Variants in DPYD observed in about 807,000 individuals in gnomAD.
DPYD encodes dihydropyrimidine dehydrogenase [NADP(+)].
In DPYD, 109 loss-of-function variants were observed where a neutral mutation model predicts 116.2. That is an observed-to-expected ratio of 0.94 (90% confidence interval 0.80 to 1.10). The LOEUF (loss-of-function observed/expected upper bound fraction) is 1.10. Among genes scored for constraint, DPYD ranks in the 50% least tolerant of loss-of-function variants. DPYD has a pLI of 0.00. For missense variants in DPYD, 1,302 were observed against 1,254.5 expected (o/e 1.04, Z -0.57); for synonymous variants, 440 against 432.0 (o/e 1.02, Z -0.23).
chr1:97,209,555 T>C (rs1447076919), intron 19 of DPYD, among the ~76,000 whole-genome samples: 1 of 152,150 alleles, frequency 6.6e-6, no homozygotes, highest in African/African-American at 2.4e-5. Context: ...ATTAAACTGA[T>C]TTTTTGCTTG....
intron 20 of DPYD, among the ~76,000 whole-genome samples, chr1:97,139,623 C>A (rs1654066077): frequency 6.6e-6 from 1 of 152,196 alleles, no homozygotes; most frequent in East Asian, 1.9e-4. Context: ...TATTTCTAGA[C>A]TGAAAAGATT....
At chr1:97,795,201 G>A (rs1180340710) in intron 3 of DPYD, among the ~76,000 whole-genome samples, 2 of 151,956 alleles carry the variant, frequency 1.3e-5, no homozygotes, top group Non-Finnish European at 2.9e-5. Context: ...ATTTACATGA[G>A]AAAATAATTA....
At chr1:97,176,909 C>A (rs950361588) in intron 20 of DPYD, among the ~76,000 whole-genome samples, 1 of 83,252 alleles carries the variant, frequency 1.2e-5, no homozygotes, top group Non-Finnish European at 2.7e-5. Context: ...GGGGGGGTGT[C>A]CTAAAAGATT....
At chr1:97,526,244 G>A (rs1022289428) in intron 12 of DPYD, among the ~76,000 whole-genome samples, 4 of 152,082 alleles carry the variant, frequency 2.6e-5, no homozygotes, top group African/African-American at 9.7e-5. Flanking sequence ...AGGAAGAGCT[G>A]GGAATTCTCG....
chr1:97,714,428 G>T (rs1302691695), intron 5 of DPYD, among the ~76,000 whole-genome samples: 1 of 151,680 alleles, frequency 6.6e-6, no homozygotes, highest in Non-Finnish European at 1.5e-5. Context: ...TGGCCAAGAT[G>T]GTCTTGATTT....
At chr1:97,494,868 A>T (rs1679176796) in intron 13 of DPYD, among the ~76,000 whole-genome samples, 1 of 152,152 alleles carries the variant, frequency 6.6e-6, no homozygotes, top group Non-Finnish European at 1.5e-5. Flanking sequence ...TTGTATTCTC[A>T]AAAGTCAAAA....
intron 5 of DPYD, among the ~76,000 whole-genome samples, chr1:97,714,120 C>T (rs1423738561): frequency 2.0e-5 from 3 of 152,082 alleles, no homozygotes; most frequent in Non-Finnish European, 4.4e-5. Flanking sequence ...TGTATACCAG[C>T]TTTCACAAAA....
intron 14 of DPYD, among the ~76,000 whole-genome samples, chr1:97,396,417 G>A (rs546206506): frequency 4.1e-5 from 6 of 145,356 alleles, no homozygotes; most frequent in South Asian, 2.5e-4. Context: ...TATTCAATGT[G>A]TGTCAGTTTT....
chr1:97,918,747 T>C (rs1475191088), intron 1 of DPYD, among the ~76,000 whole-genome samples: 1 of 152,204 alleles, frequency 6.6e-6, no homozygotes, highest in African/African-American at 2.4e-5. Flanking sequence ...TTAGAGTAGG[T>C]TGTTATCATC....
chr1:97,774,945 CA>C, intron 3 of DPYD: 2 of 334,714 alleles, frequency 6.0e-6, no homozygotes, highest in Admixed American at 3.7e-5. Context: ...ATAGCATCCT[CA>C]AAGGTCACCT....
chr1:97,774,989 A>G (rs1449449504), intron 3 of DPYD: 2 of 321,564 alleles, frequency 6.2e-6, no homozygotes, highest in African/African-American at 2.2e-5. Flanking sequence ...GGGACAAAAA[A>G]AAGAAAGAAG....
chr1:97,763,234 T>C (rs756450593), intron 3 of DPYD, among the ~76,000 whole-genome samples: 2 of 152,018 alleles, frequency 1.3e-5, no homozygotes, highest in Non-Finnish European at 2.9e-5. Context: ...CCATATTGTA[T>C]TCCTTTCTGT....
chr1:97,919,634 A>C (rs1046275492), intron 1 of DPYD, among the ~76,000 whole-genome samples: 2 of 152,212 alleles, frequency 1.3e-5, no homozygotes, highest in African/African-American at 4.8e-5. Context: ...AAAGGAATAG[A>C]CTACCCTAAA....
chr1:97,094,991 C>T (rs1374238081), intron 21 of DPYD, among the ~76,000 whole-genome samples: 2 of 152,042 alleles, frequency 1.3e-5, no homozygotes, highest in African/African-American at 4.8e-5. Flanking sequence ...TCATATTAAA[C>T]ATATTTCAAA....
chr1:97,641,534 C>T (rs931694836), intron 8 of DPYD, among the ~76,000 whole-genome samples: 20 of 152,022 alleles, frequency 1.3e-4, no homozygotes, highest in Admixed American at 8.5e-4. Flanking sequence ...AAAGGGCTTT[C>T]GATAAAATTC....
At chr1:97,317,584 T>C (rs1378427289) in intron 16 of DPYD, among the ~76,000 whole-genome samples, 1 of 152,082 alleles carries the variant, frequency 6.6e-6, no homozygotes, top group East Asian at 1.9e-4. Flanking sequence ...ATACATCTGC[T>C]GGTCTATTCA....
At chr1:97,155,200 T>C (rs1375467794) in intron 20 of DPYD, among the ~76,000 whole-genome samples, 1 of 152,246 alleles carries the variant, frequency 6.6e-6, no homozygotes, top group Non-Finnish European at 1.5e-5. Context: ...ATTCAGGACA[T>C]ATTTTTTCTA....
chr1:97,150,091 T>C lies in DPYD; in HGVS notation c.2622+42978A>G, dbSNP rs115824882. On this transcript the variant is annotated intron_variant, in intron 20 of 22. Coordinates refer to ENST00000370192, the MANE Select transcript of DPYD (RefSeq NM_000110.4). Reference sequence around the variant, plus strand: ...TCAGGTTTTTGCACACCTTCACAAATGCTACTCTCACCAGTGGAACGCTGT... The same window carrying C: ...TCAGGTTTTTGCACACCTTCACAAACGCTACTCTCACCAGTGGAACGCTGT... Among the ~76,000 whole-genome samples, 1,107 of 152,238 alleles carry C rather than the reference T, an allele frequency of 7.3e-3. 17 individuals carry two copies. The highest frequency in any genetic ancestry group is 0.025 in the African/African-American group (1,036 of 41,542).
At chr1:97,481,155 A>G (rs1678272236) in intron 13 of DPYD, among the ~76,000 whole-genome samples, 1 of 152,226 alleles carries the variant, frequency 6.6e-6, no homozygotes, top group Admixed American at 6.5e-5. Context: ...AAGAAGAAAG[A>G]AAAATGTAAG....
Sources: gnomAD v4.1 joint callset for allele counts (sites outside exome capture counted in the v4.1 genomes callset) on GRCh38, gnomAD v4.1.1 for gene constraint, MANE v1.5 for transcripts, NCBI Gene and HGNC (gene_info 2026-07-23, HGNC 2026-07-21) for gene names.